Variants in NCOA2 observed in about 807,000 individuals in gnomAD.
The protein encoded by NCOA2 is nuclear receptor coactivator 2, also known as class E basic helix-loop-helix protein 75.
In NCOA2, 21 loss-of-function variants were observed where a neutral mutation model predicts 145.1. That is an observed-to-expected ratio of 0.14 (90% CI 0.10 to 0.21). The LOEUF is 0.21. NCOA2 is among the 10% of genes least tolerant of loss of function. The probability of loss-of-function intolerance (pLI) is 1.00; values close to 1 mark genes in which losing one functional copy is unlikely to be tolerated. For synonymous variants in NCOA2, 619 were observed against 637.5 expected (o/e 0.97, Z 0.44); for missense variants, 1,472 against 1,837.6 (o/e 0.80, Z 3.64).
In NCOA2 at chr8:70,110,658, C is replaced by T. The variant is rs1469945005; in HGVS notation, c.*2974G>A. The T allele has an allele frequency of 4.7e-6, 1 of 213,092 alleles. No individual in the cohort carries two copies. Among genetic ancestry groups the T allele is most frequent in the African/African-American group, 2.3e-5 (1 of 44,248 alleles). The allele number at this position is 213,092 out of a possible 1,614,324, so 13.2% of individuals were successfully genotyped here. ...TTCATGTGTTAAGCCCATATGAACTCCATTTTTGAACACAGATTAAAAATT... is the reference window on the plus strand; with the variant it reads ...TTCATGTGTTAAGCCCATATGAACTTCATTTTTGAACACAGATTAAAAATT... On this transcript the variant is annotated 3_prime_UTR_variant, in exon 23 of 23. Coordinates refer to ENST00000452400, the MANE Select transcript of NCOA2 (RefSeq NM_006540.4).
At chr8:70,224,185 C>T (rs1820405881) in intron 2 of NCOA2, among the ~76,000 whole-genome samples, 2 of 152,136 alleles carry the variant, frequency 1.3e-5, no homozygotes, top group African/African-American at 4.8e-5. Context: ...CAATTATTCC[C>T]CGAAGATAAG....
intron 4 of NCOA2, among the ~76,000 whole-genome samples, chr8:70,194,522 C>T (rs1162488347): frequency 6.6e-6 from 1 of 152,110 alleles, no homozygotes; most frequent in Non-Finnish European, 1.5e-5. Flanking sequence ...GACAACAGAA[C>T]ATTCACTCTG....
chr8:70,272,674 T>C (rs999915157), intron 2 of NCOA2, among the ~76,000 whole-genome samples: 3 of 152,158 alleles, frequency 2.0e-5, no homozygotes, highest in Non-Finnish European at 4.4e-5. Flanking sequence ...CACTAGTGGT[T>C]AGGGCATCAC....
At chr8:70,200,089 T>A (rs1302677292) in intron 4 of NCOA2, among the ~76,000 whole-genome samples, 4 of 152,268 alleles carry the variant, frequency 2.6e-5, no homozygotes, top group African/African-American at 9.6e-5. Flanking sequence ...TATTATATAA[T>A]AAGTAATCTA....
intron 1 of NCOA2, among the ~76,000 whole-genome samples, chr8:70,332,135 T>C (rs1282077998): frequency 6.6e-6 from 1 of 152,160 alleles, no homozygotes; most frequent in Non-Finnish European, 1.5e-5. Flanking sequence ...TTAGAAGTGG[T>C]TGGGGAAGAA....
At chr8:70,250,411 A>G (rs934624127) in intron 2 of NCOA2, among the ~76,000 whole-genome samples, 153 of 148,226 alleles carry the variant, frequency 1.0e-3, no homozygotes, top group African/African-American at 3.7e-3. Flanking sequence ...AAAAAAAAAA[A>G]AAAAAAAAAA....
Position 70,377,903 on chromosome 8 carries a change from TAGTC to T in NCOA2, c.-77+25793_-77+25796del, listed in dbSNP as rs556707948. 6.8e-3 allele frequency among the ~76,000 whole-genome samples: 1,032 copies of T among 152,270 alleles called. 9 individuals are homozygous for T. Among genetic ancestry groups the T allele is most frequent in the Non-Finnish European group, 0.011 (745 of 68,014 alleles). ...TTTCCCAAGGAAATGACAAGTCTGA[TAGTC>T]AGTACTCCAGTCTTTAACAATGATA... is the stretch of plus-strand genomic sequence containing the variant. On this transcript the variant is annotated intron_variant, in intron 1 of 22. Transcript: ENST00000452400.
intron 1 of NCOA2, among the ~76,000 whole-genome samples, chr8:70,309,122 G>A (rs1011670021): frequency 6.6e-6 from 1 of 152,068 alleles, no homozygotes; most frequent in Non-Finnish European, 1.5e-5. Flanking sequence ...CTGGCCATGT[G>A]GAAAAGCCAT....
the NCOA2 span, among the ~76,000 whole-genome samples, chr8:70,436,349 T>C: frequency 2.3e-4 from 35 of 152,336 alleles, no homozygotes; most frequent in African/African-American, 6.7e-4. Flanking sequence ...TGTGTGAAAG[T>C]TGGTCAGGTA....
chr8:70,137,386 T>TA (rs35441663), intron 15 of NCOA2, among the ~76,000 whole-genome samples: 4 of 152,226 alleles, frequency 2.6e-5, no homozygotes, highest in Non-Finnish European at 5.9e-5. Context: ...TGGGCAACAC[T>TA]AAAAATCCTA....
At position 70,156,105 on chromosome 8, in the gene NCOA2, T is replaced by C. The variant is rs774837564; in HGVS notation, c.2260A>G (p.Thr754Ala). 2 of 1,613,998 alleles carry C rather than the reference T, an allele frequency of 1.2e-6. No individual in the cohort carries two copies. Among genetic ancestry groups the C allele is most frequent in the Non-Finnish European group, 1.7e-6 (2 of 1,179,884 alleles). ...ATTTCTGGTAAACCAATATCTTTAG[T>C]ATCATCTTTATCTAGCAAATAGCGA... ...LLRYLLDKDDTKDIGLPEITP... is the reference protein window; with the variant it reads ...LLRYLLDKDDAKDIGLPEITP... Residue 754 changes from threonine (T) to alanine (A), a missense_variant, in exon 11 of 23, where the codon ACT becomes GCT. Physicochemically the swap from Thr to Ala is moderately conservative, Grantham distance 58. Transcript: ENST00000452400.
the NCOA2 span, among the ~76,000 whole-genome samples, chr8:70,444,248 G>A: frequency 6.6e-5 from 10 of 152,146 alleles, no homozygotes; most frequent in African/African-American, 1.2e-4. Context: ...ATCTCAAAAG[G>A]CTATATATTG....
intron 15 of NCOA2, among the ~76,000 whole-genome samples, chr8:70,134,883 C>T (rs1809552510): frequency 6.6e-6 from 1 of 152,168 alleles, no homozygotes. Flanking sequence ...ACTCTCGGGA[C>T]ACTTTCCCAA....
chr8:70,305,616 C>T (rs1430954017), intron 1 of NCOA2, among the ~76,000 whole-genome samples: 1 of 151,852 alleles, frequency 6.6e-6, no homozygotes, highest in Non-Finnish European at 1.5e-5. Context: ...ACCGACCCAC[C>T]AAAACAAAGG....
intron 1 of NCOA2, among the ~76,000 whole-genome samples, chr8:70,356,720 G>A (rs577553971): frequency 2.0e-5 from 3 of 152,288 alleles, no homozygotes; most frequent in African/African-American, 7.2e-5. Context: ...CACAGCAGAG[G>A]AGAAATAACT....
At chr8:70,438,717 C>T in the NCOA2 span, among the ~76,000 whole-genome samples, 1 of 152,136 alleles carries the variant, frequency 6.6e-6, no homozygotes, top group East Asian at 1.9e-4. Flanking sequence ...TTAATAAGGA[C>T]CTTGATCTGG....
rs1828081444 is a variant in NCOA2, at chr8:70,308,696, T to C, written c.-76-11896A>G. Among the ~76,000 whole-genome samples the C allele has an allele frequency of 2.6e-5, 4 of 152,178 alleles. No individual in the cohort carries two copies. The South Asian group carries it at 8.3e-4, about 32-fold the overall frequency. ...AGCCCATCTAGGACAAAGAGCACTC[T>C]AGGCAGTCAGGCCACAAACTACAGC... On this transcript the variant is annotated intron_variant, in intron 1 of 22. Transcript: ENST00000452400.
chr8:70,225,409 T>C (rs1007258225), intron 2 of NCOA2, among the ~76,000 whole-genome samples: 3 of 151,740 alleles, frequency 2.0e-5, no homozygotes, highest in Non-Finnish European at 4.4e-5. Context: ...ATTAGCCGGG[T>C]GTGTTGGCGC....
At position 70,216,621 on chromosome 8, in the gene NCOA2, A is replaced by G. The variant is rs200820074; in HGVS notation, c.86+39T>C. 7.3e-6 allele frequency: 11 copies of G among 1,508,238 alleles called. No homozygotes were observed. In the Admixed American group the frequency reaches 1.5e-4, roughly 21 times the overall value. The allele number at this position is 1,508,238 out of a possible 1,614,324, so 93.4% of individuals were successfully genotyped here. ...ACAAAGAAGCACTCATGTGGCTTTA[A>G]CAGACAATACTGATTCCTTTTCTCA... On this transcript the variant is annotated intron_variant, in intron 3 of 22. Transcript: ENST00000452400.
Sources: gnomAD v4.1 joint callset for allele counts (sites outside exome capture counted in the v4.1 genomes callset) on GRCh38, gnomAD v4.1.1 for gene constraint, MANE v1.5 for transcripts, NCBI Gene and HGNC (gene_info 2026-07-23, HGNC 2026-07-21) for gene names.